ADAMTS20: variants seen among roughly 807,000 people sequenced by gnomAD.
ADAMTS20 encodes the protein A disintegrin and metalloproteinase with thrombospondin motifs 20.
In ADAMTS20, 225 loss-of-function variants were observed where a neutral mutation model predicts 260.1. That is an observed-to-expected ratio of 0.87 (90% CI 0.78 to 0.97). The LOEUF (loss-of-function observed/expected upper bound fraction) is 0.97, where lower values mean the gene tolerates loss of function less well. Ranked by LOEUF, ADAMTS20 falls within the 50% of genes least tolerant of loss-of-function variation. The probability of loss-of-function intolerance (pLI) is 0.00; values close to 1 mark genes in which losing one functional copy is unlikely to be tolerated. For missense variants in ADAMTS20, 2,400 were observed against 2,337.7 expected (o/e 1.03, Z -0.55); for synonymous variants, 802 against 769.5 (o/e 1.04, Z -0.70).
At chr12:43,355,812 T>C (rs1181758515) in intron 38 of ADAMTS20, among the ~76,000 whole-genome samples, 1 of 152,044 alleles carries the variant, frequency 6.6e-6, no homozygotes, top group East Asian at 1.9e-4. Flanking sequence ...TTAAGTGGAT[T>C]CTACTTTGGA....
Position 43,427,374 on chromosome 12 carries a change from C to T in ADAMTS20, c.4041G>A (p.Lys1347=), listed in dbSNP as rs1215995551. 4 of 1,613,816 alleles carry T rather than the reference C, an allele frequency of 2.5e-6. No individual in the cohort carries two copies. The highest frequency in any genetic ancestry group is 4.5e-5 in the East Asian group (2 of 44,890). ...GACCACATTGCTGTAACTCTGGAGG[C>T]TTGGAGGCTGCATCGCAGTAACTAG... is the stretch of plus-strand genomic sequence containing the variant. ...QSASYCDAAS[K]PPELQQCGPG... The change falls in exon 27 of 39, where the codon AAG becomes AAA. Residue 1347 remains lysine (K), a synonymous_variant. Coordinates refer to ENST00000389420, the MANE Select transcript of ADAMTS20 (RefSeq NM_025003.5).
intron 11 of ADAMTS20, among the ~76,000 whole-genome samples, chr12:43,460,988 A>ATATATATATATATATTTTT: frequency 4.9e-4 from 13 of 26,390 alleles, no homozygotes; most frequent in Non-Finnish European, 7.3e-4. Flanking sequence ...ATATATATAT[A>ATATATATATATATATTTTT]TTTTTTTTTT....
At chr12:43,357,694 T>C (rs778788524) in intron 37 of ADAMTS20, among the ~76,000 whole-genome samples, 10 of 152,180 alleles carry the variant, frequency 6.6e-5, no homozygotes, top group Non-Finnish European at 1.0e-4. Flanking sequence ...GGTTATGAAA[T>C]TTAGAATATG....
At chr12:43,360,176 C>T (rs777287297) in intron 37 of ADAMTS20, among the ~76,000 whole-genome samples, 7 of 152,142 alleles carry the variant, frequency 4.6e-5, no homozygotes, top group African/African-American at 1.2e-4. Flanking sequence ...CGGCCGGGCA[C>T]GGTGGCTCAC....
chr12:43,536,836 AAT>A (rs1171063135), intron 2 of ADAMTS20, among the ~76,000 whole-genome samples: 1 of 152,144 alleles, frequency 6.6e-6, no homozygotes, highest in East Asian at 1.9e-4. Flanking sequence ...GAATCACACA[AAT>A]ATATTTACCT....
intron 29 of ADAMTS20, among the ~76,000 whole-genome samples, chr12:43,388,088 C>T (rs1380650909): frequency 1.3e-5 from 2 of 152,008 alleles, no homozygotes; most frequent in African/African-American, 2.4e-5. Flanking sequence ...AAAAACCTCC[C>T]GCAGCTAGCT....
In ADAMTS20 at chr12:43,353,991, T is replaced by A. The variant is rs1178085606; in HGVS notation, c.*218A>T. The A allele has an allele frequency of 8.4e-6, 3 of 357,730 alleles. No individual in the cohort carries two copies. The highest frequency in any genetic ancestry group is 8.7e-5 in the Admixed American group (2 of 22,930). 22.2% of individuals were successfully genotyped at this position (357,730 alleles called of 1,614,324 possible). A position where few individuals can be genotyped will look rare whatever the true frequency, so the allele number is the denominator to read the frequency against. On this transcript the variant is annotated 3_prime_UTR_variant, in exon 39 of 39. Transcript: ENST00000389420. The stretch of plus-strand genomic sequence containing the variant: ...AAATTATTATGTTCTTTAAAAAATA[T>A]CCTGATTAGATATAAAATAAATTAA...
At chr12:43,454,123 C>A in intron 11 of ADAMTS20, 71 bp from the exon 12 acceptor site, 1 of 1,523,190 alleles carries the variant, frequency 6.6e-7, no homozygotes, top group Non-Finnish European at 8.9e-7. Context: ...ATTATAATAG[C>A]AGCATAAAGA....
intron 9 of ADAMTS20, 38 bp from the exon 10 acceptor site, chr12:43,464,770 C>T (rs1331122159): frequency 3.2e-6 from 5 of 1,578,086 alleles, no homozygotes; most frequent in Non-Finnish European, 4.3e-6. Context: ...TGTGAATACA[C>T]ATGGATGCAT....
At position 43,386,765 on chromosome 12, in the gene ADAMTS20, G is replaced by A. The variant is rs1273804375; in HGVS notation, c.4453-2788C>T. 2.0e-5 allele frequency among the ~76,000 whole-genome samples: 3 copies of A among 152,186 alleles called. No individual in the cohort carries two copies. The East Asian group carries it at 5.8e-4, about 29-fold the overall frequency. On this transcript the variant is annotated intron_variant, in intron 29 of 38. Transcript: ENST00000389420. ...TTCAATTTCTGATATCCTTTCTTCT[G>A]CTTCATTGATTCAGCTATTGATACT...
intron 11 of ADAMTS20, among the ~76,000 whole-genome samples, chr12:43,460,219 T>C (rs1057031188): frequency 1.3e-5 from 2 of 152,230 alleles, no homozygotes; most frequent in African/African-American, 4.8e-5. Flanking sequence ...TCAATCTGCA[T>C]TGGCTCTAAA....
At chr12:43,446,999 G>C (rs1394966925) in intron 14 of ADAMTS20, among the ~76,000 whole-genome samples, 2 of 151,854 alleles carry the variant, frequency 1.3e-5, no homozygotes, top group African/African-American at 4.8e-5. Context: ...TCAGTAATAA[G>C]TAGGCTACCA....
At chr12:43,375,916 G>T (rs1005021135) in intron 35 of ADAMTS20, 141 bp downstream of exon 35, 5 of 652,216 alleles carry the variant, frequency 7.7e-6, no homozygotes, top group Non-Finnish European at 1.3e-5. Flanking sequence ...ACAACATCTA[G>T]TTTAGGTCCT....
chr12:43,532,314 G>T, intron 2 of ADAMTS20, 119 bp from the exon 3 acceptor site: 1 of 860,698 alleles, frequency 1.2e-6, no homozygotes, highest in Non-Finnish European at 1.7e-6. Context: ...TGTTCACTAA[G>T]AGCCATCAAC....
chr12:43,504,131 G>A (rs1415215776), intron 3 of ADAMTS20, among the ~76,000 whole-genome samples: 1 of 151,990 alleles, frequency 6.6e-6, no homozygotes, highest in Non-Finnish European at 1.5e-5. Context: ...TTGAGGAATT[G>A]CCACACTGCT....
chr12:43,491,132 A>G lies in ADAMTS20; in HGVS notation c.1077-697T>C, dbSNP rs375714972. On this transcript the variant is annotated intron_variant, in intron 6 of 38. Coordinates refer to ENST00000389420, the MANE Select transcript of ADAMTS20 (RefSeq NM_025003.5). ...GCATATATGACATCGGTCCTATAAG[A>G]TTATAATACCATATTTATACTACAC... Among the ~76,000 whole-genome samples, 13 of 152,234 alleles carry G rather than the reference A, an allele frequency of 8.5e-5. No individual in the cohort carries two copies. In the East Asian group the frequency reaches 1.4e-3, roughly 16 times the overall value.
At chr12:43,498,956 T>C (rs1942715848) in intron 4 of ADAMTS20, among the ~76,000 whole-genome samples, 1 of 152,146 alleles carries the variant, frequency 6.6e-6, no homozygotes, top group Non-Finnish European at 1.5e-5. Context: ...AAAACAACAA[T>C]TTATGTACAG....
At chr12:43,362,862 G>A (rs1372222156) in intron 37 of ADAMTS20, among the ~76,000 whole-genome samples, 1 of 149,006 alleles carries the variant, frequency 6.7e-6, no homozygotes, top group Non-Finnish European at 1.5e-5. Context: ...AAGGGGCCAA[G>A]AGCCAGGGAA....
At chr12:43,517,745 A>G (rs1489417001) in intron 3 of ADAMTS20, among the ~76,000 whole-genome samples, 1 of 152,074 alleles carries the variant, frequency 6.6e-6, no homozygotes, top group Non-Finnish European at 1.5e-5. Context: ...AAGAAGAATG[A>G]AGTCAAAGGC....
Sources: gnomAD v4.1 joint callset for allele counts (sites outside exome capture counted in the v4.1 genomes callset) on GRCh38, gnomAD v4.1.1 for gene constraint, MANE v1.5 for transcripts, NCBI Gene and HGNC (gene_info 2026-07-23, HGNC 2026-07-21) for gene names.